The following ZBTB10 variants were observed in gnomAD, a reference collection of about 807,000 sequenced individuals.
ZBTB10 encodes the protein zinc finger and BTB domain containing 10.
In ZBTB10, 32 loss-of-function variants were observed where a neutral mutation model predicts 76.4. That is an observed-to-expected ratio of 0.42 (90% CI 0.32 to 0.56). The LOEUF (loss-of-function observed/expected upper bound fraction) is 0.56. Among genes scored for constraint, ZBTB10 ranks in the 20% least tolerant of loss-of-function variants. ZBTB10 has a pLI of 0.14. For synonymous variants in ZBTB10, 523 were observed against 432.9 expected (o/e 1.21, Z -2.58); for missense variants, 1,057 against 1,098.5 (o/e 0.96, Z 0.53).
intron 2 of ZBTB10, among the ~76,000 whole-genome samples, chr8:80,503,228 CAA>C (rs1363265201): frequency 6.6e-6 from 1 of 152,126 alleles, no homozygotes; most frequent in Non-Finnish European, 1.5e-5. Flanking sequence ...AATGAAGTGA[CAA>C]ATATGAAATA....
rs1446451839 is a variant in ZBTB10 at position 80,505,688 on chromosome 8, A to G, written c.1861+5306A>G. Among the ~76,000 whole-genome samples, 3 of 152,124 alleles carry G rather than the reference A, an allele frequency of 2.0e-5. 1 individual carries two copies. Among genetic ancestry groups the G allele is most frequent in the Non-Finnish European group, 4.4e-5 (3 of 68,032 alleles). ...CATACAATTTGGTACTTTGAAAACTATTTTGAGAAAAGAATATCCAAACTA... is the reference window on the plus strand; with the variant it reads ...CATACAATTTGGTACTTTGAAAACTGTTTTGAGAAAAGAATATCCAAACTA... On this transcript the variant is annotated intron_variant, in intron 2 of 5. Transcript: ENST00000455036.
chr8:80,503,760 G>C (rs1052867862), intron 2 of ZBTB10, among the ~76,000 whole-genome samples: 6 of 152,182 alleles, frequency 3.9e-5, no homozygotes, highest in Non-Finnish European at 8.8e-5. Flanking sequence ...CTGACCACAA[G>C]TGATCTGCCC....
chr8:80,486,153 C>G, upstream of ZBTB10: 2 of 863,980 alleles, frequency 2.3e-6, no homozygotes, highest in African/African-American at 3.7e-5. Flanking sequence ...CCTCCCCCAG[C>G]CCGGCCCCCA....
At chr8:80,517,316 CA>C (rs1422023251) in intron 3 of ZBTB10, among the ~76,000 whole-genome samples, 2 of 152,160 alleles carry the variant, frequency 1.3e-5, no homozygotes, top group African/African-American at 4.8e-5. Context: ...TTGATTGGAT[CA>C]GGGTGGCAAT....
intron 2 of ZBTB10, among the ~76,000 whole-genome samples, chr8:80,511,051 T>C (rs929100295): frequency 6.6e-6 from 1 of 152,200 alleles, no homozygotes; most frequent in Non-Finnish European, 1.5e-5. Flanking sequence ...TGACGTAATA[T>C]ATTGGTTCCT....
chr8:80,512,152 A>G (rs1028710697), intron 2 of ZBTB10, among the ~76,000 whole-genome samples: 5 of 152,048 alleles, frequency 3.3e-5, no homozygotes, highest in African/African-American at 1.2e-4. Context: ...CTTCCAACCC[A>G]TTTACTCTAA....
At chr8:80,515,401 C>G (rs530271189) in intron 3 of ZBTB10, among the ~76,000 whole-genome samples, 4 of 152,056 alleles carry the variant, frequency 2.6e-5, no homozygotes, top group Non-Finnish European at 5.9e-5. Flanking sequence ...ATGTACTGAC[C>G]AAAATAAAAC....
rs771936951 is a variant in ZBTB10 at position 80,518,493 on chromosome 8, A to G, written c.2051A>G (p.Lys684Arg). 2.6e-6 allele frequency: 4 copies of G among 1,553,562 alleles called. No individual in the cohort carries two copies. Among genetic ancestry groups the G allele is most frequent in the Non-Finnish European group, 3.5e-6 (4 of 1,147,960 alleles). Residue 684 changes from lysine to arginine, a missense_variant, in exon 4 of 6, where the codon AAG becomes AGG. Lys to Arg is a conservative substitution (Grantham distance 26, BLOSUM62 2). Around this residue, in one of 5 missense-constraint regions of ZBTB10, gnomAD observed 306 missense variants for 297.5 expected, o/e 1.03. Coordinates refer to ENST00000455036, the MANE Select transcript of ZBTB10 (RefSeq NM_001105539.3). Reference protein sequence around the residue: ...GLIPGTSNDFKYGLIPGASND... With the variant: ...GLIPGTSNDFRYGLIPGASND... Reference sequence around the variant, plus strand: ...ATACCAGGTACTTCAAATGATTTCAAGTATGGATTGATACCAGGTGCTTCA... The same window carrying G: ...ATACCAGGTACTTCAAATGATTTCAGGTATGGATTGATACCAGGTGCTTCA...
At chr8:80,485,890 G>A, upstream of ZBTB10, 1 of 1,535,370 alleles carries the variant, frequency 6.5e-7, no homozygotes, top group East Asian at 2.4e-5. Flanking sequence ...GTAGGTGCGT[G>A]TGGGCAGCGG....
At chr8:80,507,798 G>A (rs1473746149) in intron 2 of ZBTB10, among the ~76,000 whole-genome samples, 1 of 152,118 alleles carries the variant, frequency 6.6e-6, no homozygotes, top group African/African-American at 2.4e-5. Context: ...ACAGGGTCTC[G>A]TTATGTTGCC....
At chr8:80,497,572 A>C (rs1322510048) in intron 1 of ZBTB10, among the ~76,000 whole-genome samples, 1 of 151,764 alleles carries the variant, frequency 6.6e-6, no homozygotes, top group East Asian at 1.9e-4. Flanking sequence ...AAAATGAGGA[A>C]ATTTCTCTAC....
chr8:80,505,915 ATTTTTTTT>A (rs58176444), intron 2 of ZBTB10, among the ~76,000 whole-genome samples: 1 of 131,970 alleles, frequency 7.6e-6, no homozygotes, highest in Non-Finnish European at 1.6e-5. Flanking sequence ...TGCCTGGCTA[ATTTTTTTT>A]TTTTTTTTTT....
At chr8:80,509,115 T>C (rs2131504867) in intron 2 of ZBTB10, among the ~76,000 whole-genome samples, 1 of 152,222 alleles carries the variant, frequency 6.6e-6, no homozygotes, top group Admixed American at 6.5e-5. Context: ...ACAGGAACTG[T>C]AAAGGGTGGT....
chr8:80,510,660 G>A (rs914132476), intron 2 of ZBTB10, among the ~76,000 whole-genome samples: 1 of 151,882 alleles, frequency 6.6e-6, no homozygotes, highest in Admixed American at 6.6e-5. Context: ...GTGTGTGTGT[G>A]TGTGTGTGTG....
In ZBTB10 at chr8:80,520,476, G is replaced by T. The variant is rs1816425659; in HGVS notation, c.*948G>T. The stretch of plus-strand genomic sequence containing the variant: ...AGACCTAATTGAAAGAAAAATCATA[G>T]AAATAAGTAAAATGATTTGTTTTAT... On this transcript the variant is annotated 3_prime_UTR_variant, in exon 6 of 6. Transcript: ENST00000455036. 1 of 152,384 alleles carries T rather than the reference G, an allele frequency of 6.6e-6. No individual in the cohort carries two copies. The highest frequency in any genetic ancestry group is 1.5e-5 in the Non-Finnish European group (1 of 67,914). 9.4% of individuals were successfully genotyped at this position (152,384 alleles called of 1,614,324 possible).
chr8:80,511,444 A>C (rs1249344144), intron 2 of ZBTB10, among the ~76,000 whole-genome samples: 1 of 152,220 alleles, frequency 6.6e-6, no homozygotes, highest in African/African-American at 2.4e-5. Flanking sequence ...ACTTTTTTAA[A>C]AAAAGATTGA....
chr8:80,504,109 A>G (rs1258178482), intron 2 of ZBTB10, among the ~76,000 whole-genome samples: 2 of 152,218 alleles, frequency 1.3e-5, no homozygotes, highest in Non-Finnish European at 2.9e-5. Context: ...ATTAACTACT[A>G]AAGTAGTAGA....
intron 1 of ZBTB10, among the ~76,000 whole-genome samples, chr8:80,490,330 A>G (rs1815593186): frequency 6.6e-6 from 1 of 152,064 alleles, no homozygotes; most frequent in Non-Finnish European, 1.5e-5. Flanking sequence ...ATAAAGGCTC[A>G]CTGCAGCCTC....
intron 2 of ZBTB10, among the ~76,000 whole-genome samples, chr8:80,511,172 C>T (rs888979475): frequency 7.2e-5 from 11 of 152,154 alleles, no homozygotes; most frequent in African/African-American, 2.7e-4. Context: ...TCAAAAGAGA[C>T]ACAAGACAAA....
Sources: gnomAD v4.1 joint callset for allele counts (sites outside exome capture counted in the v4.1 genomes callset) on GRCh38, gnomAD v4.1.1 for gene constraint, gnomAD v4.1.1 regional missense constraint, MANE v1.5 for transcripts, NCBI Gene and HGNC (gene_info 2026-07-23, HGNC 2026-07-21) for gene names.